The following GABRA3 variants were observed in gnomAD, a reference collection of about 807,000 sequenced individuals.
GABRA3 encodes gamma-aminobutyric acid receptor subunit alpha-3.
GABRA3 carries 10 observed loss-of-function variants against 30.1 expected under a neutral mutation model. The ratio of observed to expected loss-of-function variants is 0.33; its 90% CI spans 0.20 to 0.56. GABRA3 has a LOEUF of 0.56. Ranked by LOEUF, GABRA3 falls within the 20% of genes least tolerant of loss-of-function variation. The probability of loss-of-function intolerance (pLI) is 0.89; values close to 1 mark genes in which losing one functional copy is unlikely to be tolerated. For synonymous variants in GABRA3, 151 were observed against 146.8 expected (o/e 1.03, Z -0.21); for missense variants, 233 against 392.0 (o/e 0.59, Z 3.42).
At chrX:152,238,035 T>A (rs1371887568) in intron 5 of GABRA3, among the ~76,000 whole-genome samples, 2 of 108,537 alleles carry the variant, frequency 1.8e-5, no homozygotes, top group Non-Finnish European at 3.8e-5. Context: ...CTATGTTGAA[T>A]AGGAGTGGTG....
intron 4 of GABRA3, among the ~76,000 whole-genome samples, chrX:152,269,233 CA>C (rs1414799296): frequency 1.8e-5 from 2 of 111,734 alleles, no homozygotes; most frequent in African/African-American, 6.5e-5. Flanking sequence ...AAGGCAATCC[CA>C]TTTACAATAA....
chrX:152,396,177 T>A (rs928946903), intron 1 of GABRA3, among the ~76,000 whole-genome samples: 1 of 111,247 alleles, frequency 9.0e-6, no homozygotes, highest in African/African-American at 3.3e-5. Flanking sequence ...GAAAACCATA[T>A]GACAATGAAG....
At chrX:152,172,210 G>A (rs1467236172) in intron 9 of GABRA3, among the ~76,000 whole-genome samples, 2 of 111,699 alleles carry the variant, frequency 1.8e-5, no homozygotes, top group Admixed American at 1.9e-4. Context: ...TGAAAAGATG[G>A]TAAGCATCAC....
At chrX:152,222,096 T>A (rs948527749) in intron 6 of GABRA3, among the ~76,000 whole-genome samples, 73 of 111,365 alleles carry the variant, frequency 6.6e-4, no homozygotes, top group African/African-American at 2.3e-3. Flanking sequence ...GTATATGTAC[T>A]ATATTTTCTT....
chrX:152,432,156 T>C (rs1484366220), intron 1 of GABRA3, among the ~76,000 whole-genome samples: 1 of 111,740 alleles, frequency 8.9e-6, no homozygotes, highest in Non-Finnish European at 1.9e-5. Flanking sequence ...GTTGTACAAG[T>C]AGGGCAGATT....
At chrX:152,231,331 G>A (rs918668428) in intron 5 of GABRA3, among the ~76,000 whole-genome samples, 3 of 108,912 alleles carry the variant, frequency 2.8e-5, no homozygotes, top group African/African-American at 9.9e-5. Context: ...GTGTACACGT[G>A]TGTGTATACA....
In GABRA3 at chrX:152,279,128, G is replaced by T. The variant is rs1322814674; in HGVS notation, c.330+5540C>A. Among the ~76,000 whole-genome samples, 9 of 111,871 alleles carry T rather than the reference G, an allele frequency of 8.0e-5. No individual in the cohort carries two copies. In the East Asian group the frequency reaches 2.0e-3, roughly 25 times the overall value. ...TCTTTAGTTTAATTAGATCCCATTT[G>T]TCAATTTTGGCTTTTGTTGCCATTG... is the stretch of plus-strand genomic sequence containing the variant. On this transcript the variant is annotated intron_variant, in intron 4 of 9. Transcript: ENST00000370314.
intron 1 of GABRA3, among the ~76,000 whole-genome samples, chrX:152,378,775 G>A (rs999174035): frequency 9.0e-6 from 1 of 111,153 alleles, no homozygotes; most frequent in Non-Finnish European, 1.9e-5. Context: ...TTGTTCATGA[G>A]TCATATCTAA....
chrX:152,395,464 T>C (rs1488054828), intron 1 of GABRA3, among the ~76,000 whole-genome samples: 1 of 111,380 alleles, frequency 9.0e-6, no homozygotes, highest in Non-Finnish European at 1.9e-5. Context: ...ACACAAGCAG[T>C]TGGCTATCCT....
At chrX:152,275,252 A>G (rs1376936925) in intron 4 of GABRA3, among the ~76,000 whole-genome samples, 3 of 45,673 alleles carry the variant, frequency 6.6e-5, no homozygotes, top group African/African-American at 4.8e-4. Flanking sequence ...ATTATATATA[A>G]TAAAATATAT....
intron 3 of GABRA3, among the ~76,000 whole-genome samples, chrX:152,316,506 G>T (rs1939880297): frequency 9.0e-6 from 1 of 111,593 alleles, no homozygotes; most frequent in African/African-American, 3.3e-5. Context: ...TAAGCTCAAA[G>T]AACTCCTTGG....
intron 4 of GABRA3, 108 bp from the exon 5 acceptor site, chrX:152,256,106 A>G: frequency 3.6e-6 from 2 of 548,903 alleles, no homozygotes; most frequent in Non-Finnish European, 6.2e-6. Flanking sequence ...GATGCAGAGA[A>G]GCAGCAGTCT....
chrX:152,336,984 G>A (rs1051141986), intron 3 of GABRA3, among the ~76,000 whole-genome samples: 2 of 111,387 alleles, frequency 1.8e-5, no homozygotes, highest in African/African-American at 6.5e-5. Flanking sequence ...CAAGGAGAGA[G>A]AAACTGCAGG....
chrX:152,277,120 G>C, intron 4 of GABRA3, among the ~76,000 whole-genome samples: 1 of 111,682 alleles, frequency 9.0e-6, no homozygotes, highest in Non-Finnish European at 1.9e-5. Flanking sequence ...TTTTCATCCA[G>C]TCTGTGCCTC....
At chrX:152,184,315 T>C (rs1037689431) in intron 9 of GABRA3, among the ~76,000 whole-genome samples, 3 of 111,616 alleles carry the variant, frequency 2.7e-5, no homozygotes, top group Non-Finnish European at 3.8e-5. Flanking sequence ...CTGGTGATCC[T>C]TGATATCCCA....
At chrX:152,196,145 G>C (rs1361255511) in intron 8 of GABRA3, among the ~76,000 whole-genome samples, 4 of 107,750 alleles carry the variant, frequency 3.7e-5, no homozygotes, top group Non-Finnish European at 7.7e-5. Context: ...AGCACTTTGG[G>C]AGGCTGAGAT....
chrX:152,201,338 T>C (rs1373352327), intron 7 of GABRA3, among the ~76,000 whole-genome samples: 2 of 93,104 alleles, frequency 2.1e-5, no homozygotes, highest in Admixed American at 1.2e-4. Flanking sequence ...GTTGTGTGTG[T>C]TGTATATGAA....
At chrX:152,368,926 C>G (rs1208779684) in intron 1 of GABRA3, among the ~76,000 whole-genome samples, 2 of 110,768 alleles carry the variant, frequency 1.8e-5, no homozygotes, top group Non-Finnish European at 3.8e-5. Flanking sequence ...AGGATTGTCT[C>G]GATCTCCTGA....
chrX:152,328,350 G>C (rs1940101608), intron 3 of GABRA3, among the ~76,000 whole-genome samples: 1 of 111,641 alleles, frequency 9.0e-6, no homozygotes, highest in Admixed American at 9.5e-5. Context: ...CTCATTTTAT[G>C]GGGCTAGCAT....
Sources: allele counts gnomAD v4.1 joint callset (sites outside exome capture counted in the v4.1 genomes callset), GRCh38; gene constraint gnomAD v4.1.1; transcripts MANE v1.5; gene names NCBI Gene and HGNC (gene_info 2026-07-23, HGNC 2026-07-21).